Variants in DNAH14 observed in about 807,000 individuals in gnomAD.
DNAH14 encodes axonemal beta dynein heavy chain 14.
Under a neutral mutation model 520.9 loss-of-function variants are expected in DNAH14, and 478 were observed. That is an observed-to-expected ratio of 0.92 (90% CI 0.85 to 0.99). The LOEUF is 0.99. Among genes scored for constraint, DNAH14 ranks in the 50% least tolerant of loss-of-function variants. The pLI is 0.00. For synonymous variants in DNAH14, 1,581 were observed against 1,757.2 expected (o/e 0.90, Z 2.51); for missense variants, 4,831 against 5,234.5 (o/e 0.92, Z 2.38).
chr1:225,396,096 T>C (rs2096007462), intron 84 of DNAH14: 1 of 152,330 alleles, frequency 6.6e-6, no homozygotes, highest in Admixed American at 6.5e-5. Flanking sequence ...AAATTGATGA[T>C]GATGGTGGCG....
At chr1:225,395,316 G>A (rs1387918571) in intron 84 of DNAH14, among the ~76,000 whole-genome samples, 3 of 152,004 alleles carry the variant, frequency 2.0e-5, no homozygotes, top group Non-Finnish European at 2.9e-5. Context: ...GGATTAGGCC[G>A]GGCGCGGTGT....
At chr1:225,161,747 T>C (rs2081539088) in intron 35 of DNAH14, among the ~76,000 whole-genome samples, 1 of 152,218 alleles carries the variant, frequency 6.6e-6, no homozygotes, top group Non-Finnish European at 1.5e-5. Flanking sequence ...TTTGTATTTC[T>C]CTGATGATCA....
At chr1:225,071,087 T>C (rs2071493767) in intron 17 of DNAH14, among the ~76,000 whole-genome samples, 1 of 152,246 alleles carries the variant, frequency 6.6e-6, no homozygotes, top group African/African-American at 2.4e-5. Flanking sequence ...GCATGTGAGA[T>C]GGGTCTCTTG....
intron 17 of DNAH14, among the ~76,000 whole-genome samples, chr1:225,073,188 A>G (rs1289187699): frequency 1.3e-5 from 2 of 152,084 alleles, no homozygotes; most frequent in Non-Finnish European, 2.9e-5. Context: ...GGTTGGGGAC[A>G]CGCTTAAAAA....
intron 17 of DNAH14, among the ~76,000 whole-genome samples, chr1:225,078,548 G>A (rs2072573879): frequency 6.6e-6 from 1 of 152,168 alleles, no homozygotes. Flanking sequence ...TAATGCCCCA[G>A]TACTTAAATA....
At chr1:224,985,886 A>G (rs971195259) in intron 8 of DNAH14, among the ~76,000 whole-genome samples, 2 of 151,948 alleles carry the variant, frequency 1.3e-5, no homozygotes, top group East Asian at 1.9e-4. Flanking sequence ...AAAAAAAATG[A>G]AGCATGCCTA....
At chr1:225,086,329 T>G (rs1180244493) in intron 21 of DNAH14, among the ~76,000 whole-genome samples, 1 of 151,706 alleles carries the variant, frequency 6.6e-6, no homozygotes, top group Non-Finnish European at 1.5e-5. Context: ...AGAGACGGGA[T>G]TTCACTGTGT....
At chr1:225,146,306 C>T (rs928176127) in intron 30 of DNAH14, among the ~76,000 whole-genome samples, 7 of 152,194 alleles carry the variant, frequency 4.6e-5, no homozygotes, top group Middle Eastern at 3.2e-3. Flanking sequence ...TCTTCTACAT[C>T]CTTCTCGGTC....
At chr1:225,190,724 A>G (rs2085316073) in intron 37 of DNAH14, among the ~76,000 whole-genome samples, 2 of 152,044 alleles carry the variant, frequency 1.3e-5, no homozygotes, top group Non-Finnish European at 2.9e-5. Context: ...AAAAGACCAC[A>G]TGAAGACACA....
chr1:225,149,595 C>G (rs2149078930), intron 31 of DNAH14, among the ~76,000 whole-genome samples: 2 of 151,954 alleles, frequency 1.3e-5, no homozygotes, highest in Middle Eastern at 6.8e-3. Context: ...TCCATTTGAT[C>G]AGTGTTTTGT....
chr1:225,314,230 A>G (rs935843098), intron 60 of DNAH14, among the ~76,000 whole-genome samples: 23 of 152,126 alleles, frequency 1.5e-4, no homozygotes, highest in Non-Finnish European at 2.6e-4. Flanking sequence ...GTTGGTTTAA[A>G]GTCTGTTTTA....
chr1:225,257,906 A>T, intron 44 of DNAH14, 54 bp from the exon 45 acceptor site: 161 of 1,074,412 alleles, frequency 1.5e-4, no homozygotes, highest in Non-Finnish European at 1.9e-4. Context: ...AAAAAAGATG[A>T]GGTGAATAGT....
rs1262147501 is a variant in DNAH14 at position 225,367,126 on chromosome 1, T to TTA, written c.12091-670_12091-669dup. Among the ~76,000 whole-genome samples, 12 of 150,520 alleles carry TTA rather than the reference T, an allele frequency of 8.0e-5. No homozygotes were observed. The East Asian group carries it at 2.3e-3, about 29-fold the overall frequency. ...ACACAACTTATGTAAGTGTGTGTGT[T>TTA]TATATATATAAACTGTGCAAGGAGG... On this transcript the variant is annotated intron_variant, in intron 76 of 85. Coordinates refer to ENST00000682510, the MANE Select transcript of DNAH14 (RefSeq NM_001367479.1).
intron 81 of DNAH14, among the ~76,000 whole-genome samples, chr1:225,384,049 T>C (rs1304388522): frequency 1.3e-5 from 2 of 152,212 alleles, no homozygotes; most frequent in African/African-American, 2.4e-5. Context: ...TGAGCGGTTT[T>C]AGTGAGTTTC....
chr1:225,378,422 G>T (rs2095732008), intron 79 of DNAH14, among the ~76,000 whole-genome samples: 1 of 152,184 alleles, frequency 6.6e-6, no homozygotes, highest in African/African-American at 2.4e-5. Context: ...CAACTTTACA[G>T]TCAAAACAGT....
chr1:225,317,931 C>T (rs1022044968), intron 60 of DNAH14, among the ~76,000 whole-genome samples: 4 of 152,152 alleles, frequency 2.6e-5, no homozygotes, highest in African/African-American at 9.7e-5. Context: ...AGAAGTATTT[C>T]TGGAAGTCAT....
chr1:225,046,132 C>T (rs183826998), intron 15 of DNAH14, among the ~76,000 whole-genome samples: 280 of 151,136 alleles, frequency 1.9e-3, no homozygotes, highest in Middle Eastern at 3.6e-3. Context: ...TATAAATATA[C>T]ATAGGTATGT....
chr1:224,997,969 T>A (rs1325150332), intron 8 of DNAH14, among the ~76,000 whole-genome samples: 1 of 152,170 alleles, frequency 6.6e-6, no homozygotes, highest in Non-Finnish European at 1.5e-5. Flanking sequence ...ATTTTCTTGA[T>A]AGGTATAGGG....
At chr1:225,300,038 T>C (rs909992553) in intron 55 of DNAH14, among the ~76,000 whole-genome samples, 1 of 152,208 alleles carries the variant, frequency 6.6e-6, no homozygotes, top group African/African-American at 2.4e-5. Flanking sequence ...AAAAGCAAAA[T>C]GTCCTTACAT....
Sources: gnomAD v4.1 joint callset for allele counts (sites outside exome capture counted in the v4.1 genomes callset) on GRCh38, gnomAD v4.1.1 for gene constraint, MANE v1.5 for transcripts, NCBI Gene and HGNC (gene_info 2026-07-23, HGNC 2026-07-21) for gene names.